AFF1: variants seen among roughly 807,000 people sequenced by gnomAD.
AFF1 encodes ALF transcription elongation factor 1.
A neutral mutation model predicts 121.7 loss-of-function variants in AFF1; 48 were observed. The observed-to-expected ratio is 0.39, with a 90% CI of 0.31 to 0.50. The LOEUF (loss-of-function observed/expected upper bound fraction) is 0.50, where lower values mean the gene tolerates loss of function less well. Among genes scored for constraint, AFF1 ranks in the 20% least tolerant of loss-of-function variants. The pLI, the probability that AFF1 is intolerant of heterozygous loss-of-function variation, is 0.76. For missense variants in AFF1, 1,523 were observed against 1,511.7 expected (o/e 1.01, Z -0.12); for synonymous variants, 613 against 563.0 (o/e 1.09, Z -1.26).
chr4:87,124,509 C>T (rs116421451), intron 12 of AFF1, among the ~76,000 whole-genome samples: 556 of 152,194 alleles, frequency 3.7e-3, no homozygotes, highest in African/African-American at 0.013. Flanking sequence ...ATTTTGTAGA[C>T]GGTTTCCTTT....
chr4:86,986,060 T>TAATTC (rs1308449893), intron 2 of AFF1, among the ~76,000 whole-genome samples: 2 of 151,312 alleles, frequency 1.3e-5, no homozygotes, highest in East Asian at 3.9e-4. Context: ...TAATTTAATT[T>TAATTC]AATTTAATTT....
chr4:87,136,773 C>G lies in AFF1; in HGVS notation c.*1072C>G, dbSNP rs965469873. 1 of 225,110 alleles carries G rather than the reference C, an allele frequency of 4.4e-6. No homozygotes were observed. The highest frequency in any genetic ancestry group is 8.8e-6 in the Non-Finnish European group (1 of 113,198). The allele number at this position is 225,110 out of a possible 1,614,324, so 13.9% of individuals were successfully genotyped here. ...ACATGAAATCTGCTTCTTAGAGAGGCTATATTTTTCTGCTACAAATATTTT... is the reference window on the plus strand; with the variant it reads ...ACATGAAATCTGCTTCTTAGAGAGGGTATATTTTTCTGCTACAAATATTTT... On this transcript the variant is annotated 3_prime_UTR_variant, in exon 21 of 21. Coordinates refer to ENST00000395146, the MANE Select transcript of AFF1 (RefSeq NM_001166693.3).
chr4:86,935,920 G>A (rs1312199272), intron 1 of AFF1: 1 of 152,354 alleles, frequency 6.6e-6, no homozygotes, highest in Non-Finnish European at 1.5e-5. Flanking sequence ...CCCACCCTCC[G>A]ACGGTGCGAG....
Position 87,047,410 on chromosome 4 carries a change from C to A in AFF1, c.875C>A (p.Ala292Glu), listed in dbSNP as rs148617591. The change falls in exon 4 of 21, where the codon GCA becomes GAA. Residue 292 changes from alanine (A) to glutamate (E), a missense_variant. Transcript: ENST00000395146. Reference sequence around the variant, plus strand: ...CCCTCCCTCCCCTCAAAAAGTGTTGCAATGCAGCAGAAGCCCACGGCTTAT... The same window carrying A: ...CCCTCCCTCCCCTCAAAAAGTGTTGAAATGCAGCAGAAGCCCACGGCTTAT... ...PPPSLPSKSV[A>E]MQQKPTAYVR... 2 of 1,614,102 alleles carry A rather than the reference C, an allele frequency of 1.2e-6. No homozygotes were observed. The highest frequency in any genetic ancestry group is 1.7e-5 in the Admixed American group (1 of 60,020).
At chr4:87,097,728 G>C (rs2149729549) in intron 8 of AFF1, among the ~76,000 whole-genome samples, 1 of 152,206 alleles carries the variant, frequency 6.6e-6, no homozygotes, top group East Asian at 1.9e-4. Flanking sequence ...GATTATGTGG[G>C]GGGTAGACGT....
At chr4:87,026,337 A>T (rs1292141326) in intron 2 of AFF1, among the ~76,000 whole-genome samples, 1 of 152,170 alleles carries the variant, frequency 6.6e-6, no homozygotes, top group African/African-American at 2.4e-5. Flanking sequence ...ACTTCAAGCG[A>T]TCCTCCTGCC....
intron 4 of AFF1, 67 bp downstream of exon 4, chr4:87,047,661 G>C: frequency 6.2e-7 from 1 of 1,602,394 alleles, no homozygotes. Flanking sequence ...AATGTCCGGA[G>C]GATGTGGGGC....
chr4:87,125,979 A>G, intron 13 of AFF1, 120 bp from the exon 14 acceptor site: 1 of 1,024,772 alleles, frequency 9.8e-7, no homozygotes, highest in Non-Finnish European at 1.5e-6. Context: ...GCCTGTTTAC[A>G]CAGTTTCATG....
chr4:86,948,353 A>T, intron 1 of AFF1, 145 bp from the exon 2 acceptor site: 2 of 553,114 alleles, frequency 3.6e-6, no homozygotes, highest in Non-Finnish European at 3.2e-6. Context: ...TAGTTTGTTC[A>T]TACAACTTGG....
chr4:87,027,860 A>T (rs912264520), intron 2 of AFF1, among the ~76,000 whole-genome samples: 1 of 133,752 alleles, frequency 7.5e-6, no homozygotes, highest in Non-Finnish European at 1.5e-5. Context: ...TGATCAATGC[A>T]GTGGCCCATT....
At chr4:87,085,459 A>G (rs1281144997) in intron 5 of AFF1, among the ~76,000 whole-genome samples, 10 of 150,430 alleles carry the variant, frequency 6.6e-5, no homozygotes. Context: ...TTTAATTAGT[A>G]GAGAGATGTA....
At chr4:86,949,998 C>T (rs970443685) in intron 2 of AFF1, 8 of 1,613,920 alleles carry the variant, frequency 5.0e-6, no homozygotes, top group South Asian at 1.1e-5. Context: ...ACAAAGATGG[C>T]GAGCGCCAGT....
At chr4:87,130,241 G>C (rs541765702) in intron 16 of AFF1, among the ~76,000 whole-genome samples, 16 of 152,276 alleles carry the variant, frequency 1.1e-4, no homozygotes, top group Non-Finnish European at 1.5e-4. Context: ...CCAAAGTGCT[G>C]GGATTACAGG....
At chr4:87,069,566 C>G (rs567874247) in intron 4 of AFF1, among the ~76,000 whole-genome samples, 25 of 148,780 alleles carry the variant, frequency 1.7e-4, no homozygotes, top group African/African-American at 6.0e-4. Flanking sequence ...TCCCTCTCCT[C>G]TCTCTCCTCT....
At chr4:87,049,395 G>A (rs1473361213) in intron 4 of AFF1, among the ~76,000 whole-genome samples, 1 of 152,162 alleles carries the variant, frequency 6.6e-6, no homozygotes, top group African/African-American at 2.4e-5. Flanking sequence ...ATGTTTCTGG[G>A]AGAGGATTCC....
At chr4:87,126,437 C>A in intron 14 of AFF1, 101 bp downstream of exon 14, 1 of 1,126,194 alleles carries the variant, frequency 8.9e-7, no homozygotes, top group Non-Finnish European at 1.3e-6. Flanking sequence ...CAGAACTGTC[C>A]ATTGCTTTTA....
chr4:87,090,179 A>T, intron 6 of AFF1, 109 bp downstream of exon 6: 1 of 869,766 alleles, frequency 1.1e-6, no homozygotes, highest in Admixed American at 2.5e-5. Flanking sequence ...TTTGGAAATG[A>T]GGTTAAAATT....
intron 2 of AFF1, among the ~76,000 whole-genome samples, chr4:87,028,477 A>C (rs560592641): frequency 6.7e-6 from 1 of 149,284 alleles, no homozygotes; most frequent in Non-Finnish European, 1.5e-5. Flanking sequence ...AGAGTAAACA[A>C]ACACGTAACC....
intron 2 of AFF1, among the ~76,000 whole-genome samples, chr4:86,962,019 A>G (rs1722186323): frequency 6.6e-6 from 1 of 152,066 alleles, no homozygotes; most frequent in Admixed American, 6.6e-5. Context: ...ACTATATTTT[A>G]TTTGTCTAAA....
Sources: gnomAD v4.1 joint callset for allele counts (sites outside exome capture counted in the v4.1 genomes callset) on GRCh38, gnomAD v4.1.1 for gene constraint, MANE v1.5 for transcripts, NCBI Gene and HGNC (gene_info 2026-07-23, HGNC 2026-07-21) for gene names.